Variants in GPRC6A observed in about 807,000 individuals in gnomAD.
The protein encoded by GPRC6A is G protein-coupled receptor class C group 6 member A.
A neutral mutation model predicts 47.0 loss-of-function variants in GPRC6A; 54 were observed. The ratio of observed to expected loss-of-function variants is 1.15; its 90% CI spans 0.92 to 1.44. The LOEUF (loss-of-function observed/expected upper bound fraction) is 1.44. Ranked by LOEUF, GPRC6A falls within the 40% of genes most tolerant of loss-of-function variation. GPRC6A has a pLI of 0.00. For missense variants in GPRC6A, 1,112 were observed against 1,105.5 expected (o/e 1.01, Z -0.08); for synonymous variants, 347 against 377.1 (o/e 0.92, Z 0.93).
chr6:116,797,046 A>T (rs1380798560), intron 4 of GPRC6A, among the ~76,000 whole-genome samples: 1 of 124,992 alleles, frequency 8.0e-6, no homozygotes, highest in Non-Finnish European at 1.7e-5. Context: ...CCCCTACCCC[A>T]CAACAGTCCC....
At chr6:116,795,906 G>A (rs373561753) in intron 4 of GPRC6A, 71 bp from the exon 5 acceptor site, 4 of 1,022,848 alleles carry the variant, frequency 3.9e-6, no homozygotes, top group East Asian at 2.6e-5. Flanking sequence ...ATTATCCTCG[G>A]CTTAACTTAA....
At chr6:116,818,368 A>G (rs995435818) in intron 1 of GPRC6A, among the ~76,000 whole-genome samples, 1 of 149,150 alleles carries the variant, frequency 6.7e-6, no homozygotes, top group Non-Finnish European at 1.5e-5. Context: ...CCCTGTCTCT[A>G]CTAAAAATAC....
Position 116,809,604 on chromosome 6 carries a change from C to T in GPRC6A, c.208G>A (p.Val70Ile). ...IQECVGFEISVFLQTLAMIHS... is the reference protein window; with the variant it reads ...IQECVGFEISIFLQTLAMIHS... The stretch of plus-strand genomic sequence containing the variant: ...ATCATGGCAAGAGTTTGAAGAAAAA[C>T]TGATATTTCAAAGCTGTTGGGAAAC... Residue 70 changes from valine to isoleucine, a missense_variant, in exon 2 of 6, where the codon GTT (valine) becomes ATT (isoleucine). Transcript: ENST00000310357. The T allele has an allele frequency of 1.9e-6, 3 of 1,606,886 alleles. No individual in the cohort carries two copies. The highest frequency in any genetic ancestry group is 2.6e-6 in the Non-Finnish European group (3 of 1,174,730).
At chr6:116,824,771 C>T (rs942151404) in intron 1 of GPRC6A, among the ~76,000 whole-genome samples, 1 of 152,070 alleles carries the variant, frequency 6.6e-6, no homozygotes, top group South Asian at 2.1e-4. Flanking sequence ...ATGCCAAAAC[C>T]AGATAAGGAC....
rs1364231055 is a variant in GPRC6A at position 116,808,140 on chromosome 6, T to C, written c.499-934A>G. On this transcript the variant is annotated intron_variant, in intron 2 of 5. Coordinates refer to ENST00000310357, the MANE Select transcript of GPRC6A (RefSeq NM_148963.4). Reference sequence around the variant, plus strand: ...GTTTCTTTACTGTAAAGTTATAAGATTCTTGCTAAGATTAAAGGAGAAAAT... The same window carrying C: ...GTTTCTTTACTGTAAAGTTATAAGACTCTTGCTAAGATTAAAGGAGAAAAT... Among the ~76,000 whole-genome samples, 4 of 152,248 alleles carry C rather than the reference T, an allele frequency of 2.6e-5. No individual in the cohort carries two copies. In the East Asian group the frequency reaches 7.7e-4, roughly 29 times the overall value.
At chr6:116,797,960 A>T (rs909401370) in intron 4 of GPRC6A, among the ~76,000 whole-genome samples, 3 of 152,216 alleles carry the variant, frequency 2.0e-5, no homozygotes, top group African/African-American at 7.2e-5. Flanking sequence ...AAATCAAATT[A>T]AGGAAAATGG....
At chr6:116,810,180 T>C (rs965359744) in intron 1 of GPRC6A, among the ~76,000 whole-genome samples, 5 of 152,170 alleles carry the variant, frequency 3.3e-5, no homozygotes, top group African/African-American at 1.2e-4. Context: ...CACTGAGTTG[T>C]CTGATTACAG....
intron 5 of GPRC6A, among the ~76,000 whole-genome samples, chr6:116,794,931 CA>C (rs1282131222): frequency 1.3e-5 from 2 of 152,044 alleles, no homozygotes; most frequent in African/African-American, 2.4e-5. Context: ...AGCCAGTAAG[CA>C]AAAAGAATAG....
chr6:116,816,520 T>C (rs2114610204), intron 1 of GPRC6A, among the ~76,000 whole-genome samples: 1 of 152,192 alleles, frequency 6.6e-6, no homozygotes, highest in Non-Finnish European at 1.5e-5. Context: ...TAAATCATTC[T>C]TCTGAGGGAG....
In GPRC6A at chr6:116,809,570, A is replaced by G. The variant is rs781269079; in HGVS notation, c.242T>C (p.Ile81Thr). Residue 81 changes from isoleucine to threonine, a missense_variant, in exon 2 of 6, where the codon ATT becomes ACT. Transcript: ENST00000310357. ...GAGTGTTGAATTGTTGATCATCTCA[A>G]TGCTGTGTATCATGGCAAGAGTTTG... ...FLQTLAMIHS[I>T]EMINNSTLLP... 6.2e-6 allele frequency: 10 copies of G among 1,612,506 alleles called. No homozygotes were observed. The highest frequency in any genetic ancestry group is 1.7e-4 in the Middle Eastern group (1 of 6,060).
chr6:116,792,894 TGCAGGAGATGCAAAGAGTAAA>T lies in GPRC6A; in HGVS notation c.2008_2028del (p.Phe670_Cys676del). On this transcript the variant is annotated inframe_deletion, in exon 6 of 6. Coordinates refer to ENST00000310357, the MANE Select transcript of GPRC6A (RefSeq NM_148963.4). ...AAAATTTTCAGAGACTTCGTCAAAA[TGCAGGAGATGCAAAGAGTAAA>T]GCTCACTCCAAACATTGTCTGCCTG... is the stretch of plus-strand genomic sequence containing the variant. 6.2e-7 allele frequency: 1 copy of T among 1,614,110 alleles called. No homozygotes were observed. Among genetic ancestry groups the T allele is most frequent in the South Asian group, 1.1e-5 (1 of 91,080 alleles).
At chr6:116,800,065 G>A (rs1364550903) in intron 4 of GPRC6A, among the ~76,000 whole-genome samples, 1 of 152,144 alleles carries the variant, frequency 6.6e-6, no homozygotes, top group Non-Finnish European at 1.5e-5. Context: ...GCATAAAATA[G>A]CCATCTAGGA....
chr6:116,800,234 C>G (rs1772617366), intron 4 of GPRC6A, among the ~76,000 whole-genome samples: 1 of 122,762 alleles, frequency 8.1e-6, no homozygotes, highest in African/African-American at 3.1e-5. Context: ...TTCTTTCTCT[C>G]TTTCCTTCTT....
chr6:116,792,702 T>C lies in GPRC6A; in HGVS notation c.2221A>G (p.Ile741Val). ...ATGGATCCCTCCTCACACTCCAGGA[T>C]GATGACTCTGGGCAAGGAGACATTC... ...EVNVSLPRVIILECEEGSILA... is the reference protein window; with the variant it reads ...EVNVSLPRVIVLECEEGSILA... Residue 741 changes from isoleucine (I) to valine (V), a missense_variant, in exon 6 of 6, where the codon ATC becomes GTC. By Grantham distance (29) the Ile-to-Val change is conservative. Transcript: ENST00000310357. 1.2e-6 allele frequency: 2 copies of C among 1,613,102 alleles called. No homozygotes were observed. Among genetic ancestry groups the C allele is most frequent in the Non-Finnish European group, 1.7e-6 (2 of 1,179,234 alleles).
intron 2 of GPRC6A, among the ~76,000 whole-genome samples, chr6:116,807,478 A>G (rs1266734835): frequency 6.6e-6 from 1 of 152,150 alleles, no homozygotes; most frequent in South Asian, 2.1e-4. Flanking sequence ...TTTATCTTAT[A>G]TCTTTGGCCA....
chr6:116,802,659 CT>C (rs2114589312), intron 3 of GPRC6A, among the ~76,000 whole-genome samples: 2 of 152,228 alleles, frequency 1.3e-5, no homozygotes, highest in East Asian at 3.9e-4. Context: ...ACGATACCTT[CT>C]TTTGTGAAGC....
chr6:116,825,793 T>C (rs2114627978), intron 1 of GPRC6A, among the ~76,000 whole-genome samples: 1 of 151,906 alleles, frequency 6.6e-6, no homozygotes, highest in East Asian at 1.9e-4. Flanking sequence ...TCAAACTACC[T>C]GACAAAATTA....
intron 3 of GPRC6A, among the ~76,000 whole-genome samples, chr6:116,805,470 CTT>C (rs933295616): frequency 5.3e-5 from 8 of 151,792 alleles, no homozygotes; most frequent in African/African-American, 1.7e-4. Context: ...AAATTTAAAA[CTT>C]ATATATTTTG....
At position 116,828,872 on chromosome 6, in the gene GPRC6A, T is replaced by G. The variant is rs1444124804; in HGVS notation, c.142A>C (p.Met48Leu). The change falls in exon 1 of 6, where the codon ATG becomes CTG. Residue 48 changes from methionine to leucine, a missense_variant. Transcript: ENST00000310357. ...CTGGGAGAGTCTTCTGAGGACAACA[T>G]TTTTTCATGAATAGCAAACAAACCT... is the stretch of plus-strand genomic sequence containing the variant. Reference protein sequence around the residue: ...IGGLFAIHEKMLSSEDSPRRP... With the variant: ...IGGLFAIHEKLLSSEDSPRRP... 3 of 1,613,064 alleles carry G rather than the reference T, an allele frequency of 1.9e-6. No individual in the cohort carries two copies. Among genetic ancestry groups the G allele is most frequent in the Non-Finnish European group, 1.7e-6 (2 of 1,179,346 alleles).
Sources: gnomAD v4.1 joint callset for allele counts (sites outside exome capture counted in the v4.1 genomes callset) on GRCh38, gnomAD v4.1.1 for gene constraint, MANE v1.5 for transcripts, NCBI Gene and HGNC (gene_info 2026-07-23, HGNC 2026-07-21) for gene names.